PDZD8: variants seen among roughly 807,000 people sequenced by gnomAD.
PDZD8 encodes PDZ domain-containing protein 8.
In PDZD8, 14 loss-of-function variants were observed where a neutral mutation model predicts 85.8. The ratio of observed to expected loss-of-function variants is 0.16; its 90% CI spans 0.11 to 0.26. PDZD8 has a LOEUF of 0.26. Ranked by LOEUF, PDZD8 falls within the 10% of genes least tolerant of loss-of-function variation. PDZD8 has a pLI of 1.00. For synonymous variants in PDZD8, 592 were observed against 568.6 expected (o/e 1.04, Z -0.59); for missense variants, 1,197 against 1,424.3 (o/e 0.84, Z 2.57).
intron 3 of PDZD8, among the ~76,000 whole-genome samples, chr10:117,298,399 A>T (rs1052019316): frequency 1.3e-5 from 2 of 152,184 alleles, no homozygotes; most frequent in Middle Eastern, 3.4e-3. Context: ...TTTTCTCTAG[A>T]TAATATGCAT....
In PDZD8 at chr10:117,284,397, C is replaced by A; in HGVS notation, c.2336G>T (p.Gly779Val). ...TALRNLSMQK[G>V]FNDKFCYGDI... ...ACCATAGCAAAATTTGTCATTGAAT[C>A]CCTTTTGCATACTCAGATTGCGTAG... Residue 779 changes from glycine to valine, a missense_variant, in exon 5 of 5, where the codon GGA becomes GTA. By Grantham distance (109) the Gly-to-Val change is moderately radical. Around this residue, in one of 4 missense-constraint regions of PDZD8, gnomAD observed 418 missense variants for 571.1 expected, o/e 0.73. Transcript: ENST00000334464. 1.2e-6 allele frequency: 2 copies of A among 1,614,138 alleles called. No individual in the cohort carries two copies. The highest frequency in any genetic ancestry group is 1.7e-6 in the Non-Finnish European group (2 of 1,180,024).
rs1387894346 is a variant in PDZD8 at position 117,284,253 on chromosome 10, T to A, written c.2480A>T (p.Glu827Val). 1.2e-6 allele frequency: 2 copies of A among 1,614,198 alleles called. No individual in the cohort carries two copies. Among genetic ancestry groups the A allele is most frequent in the Non-Finnish European group, 1.7e-6 (2 of 1,180,026 alleles). ...LVEEVSVLPK[E>V]EQFVGQMGLT... ...ACCCATCTGTCCAACAAATTGCTCC[T>A]CTTTAGGGAGAACAGAAACTTCTTC... The change falls in exon 5 of 5, where the codon GAG becomes GTG. Residue 827 changes from glutamate (E) to valine (V), a missense_variant. Physicochemically the swap from Glu to Val is moderately radical, Grantham distance 121 (BLOSUM62 -2). This residue lies in a region of PDZD8 where 418 missense variants were observed against 571.1 expected (regional missense o/e 0.73). Transcript: ENST00000334464.
intron 3 of PDZD8, among the ~76,000 whole-genome samples, chr10:117,305,550 G>A (rs1378335780): frequency 6.6e-6 from 1 of 151,286 alleles, no homozygotes; most frequent in Non-Finnish European, 1.5e-5. Context: ...TCTTATAGGG[G>A]TGCATTTGAA....
At chr10:117,309,640 G>T (rs954573211) in intron 3 of PDZD8, among the ~76,000 whole-genome samples, 94 of 152,024 alleles carry the variant, frequency 6.2e-4, no homozygotes, top group African/African-American at 2.0e-3. Flanking sequence ...TTCTAGTTCA[G>T]ACTTTCATTA....
chr10:117,374,341 C>T lies in PDZD8; in HGVS notation c.872+15G>A, dbSNP rs762782052. On this transcript the variant is annotated intron_variant, in intron 1 of 4. Transcript: ENST00000334464. This position sits in a 1 kb window ranked among gnomAD's most constrained non-coding sequence, Gnocchi z 7.8. ...GTTCCCGGCAGCCAGGCCCCCTCCC[C>T]GACCTCCAGCTCACCTGATCTTGTA... 6.2e-7 allele frequency: 1 copy of T among 1,608,656 alleles called. No individual in the cohort carries two copies. Among genetic ancestry groups the T allele is most frequent in the Admixed American group, 1.7e-5 (1 of 59,882 alleles).
At chr10:117,304,166 C>T (rs1015431439) in intron 3 of PDZD8, among the ~76,000 whole-genome samples, 1 of 152,188 alleles carries the variant, frequency 6.6e-6, no homozygotes, top group African/African-American at 2.4e-5. Flanking sequence ...GTGGAGCTGT[C>T]TAAGACCATG....
intron 1 of PDZD8, among the ~76,000 whole-genome samples, chr10:117,352,547 C>T (rs1390260173): frequency 2.6e-5 from 4 of 152,182 alleles, no homozygotes; most frequent in Non-Finnish European, 5.9e-5. Flanking sequence ...CCAACTTCAT[C>T]ACTGATAAAG....
chr10:117,311,743 G>T (rs1844039823), intron 3 of PDZD8, among the ~76,000 whole-genome samples: 1 of 151,918 alleles, frequency 6.6e-6, no homozygotes, highest in Non-Finnish European at 1.5e-5. Context: ...GGTGACAGAA[G>T]AACTGAGTAC....
chr10:117,347,346 G>T (rs1476881488), intron 1 of PDZD8, among the ~76,000 whole-genome samples: 1 of 152,132 alleles, frequency 6.6e-6, no homozygotes, highest in Non-Finnish European at 1.5e-5. Flanking sequence ...CCTTTCTATT[G>T]ATCCCAGGTT....
chr10:117,283,156 G>T lies in PDZD8; in HGVS notation c.*112C>A. ...CTCATTTTTGTTCTTACACAAGCAA[G>T]TAACTGGAGAAGCAGGCCAGAGTGC... On this transcript the variant is annotated 3_prime_UTR_variant, in exon 5 of 5. Coordinates refer to ENST00000334464, the MANE Select transcript of PDZD8 (RefSeq NM_173791.5). 9.3e-7 allele frequency: 1 copy of T among 1,073,338 alleles called. No individual in the cohort carries two copies. The highest frequency in any genetic ancestry group is 2.5e-5 in the East Asian group (1 of 40,318). The allele number at this position is 1,073,338 out of a possible 1,614,324, so 66.5% of individuals were successfully genotyped here. A position where few individuals can be genotyped will look rare whatever the true frequency, so the allele number is the denominator to read the frequency against.
intron 1 of PDZD8, among the ~76,000 whole-genome samples, chr10:117,343,479 T>G (rs1432503440): frequency 1.3e-5 from 2 of 152,208 alleles, no homozygotes; most frequent in African/African-American, 4.8e-5. Context: ...ATGTTGTAGC[T>G]GGGTGCTTTT....
At position 117,321,465 on chromosome 10, in the gene PDZD8, T is replaced by C. The variant is rs7095179; in HGVS notation, c.996-2491A>G. On this transcript the variant is annotated intron_variant, in intron 2 of 4. Transcript: ENST00000334464. ...AAATTTATACAGATAGAAAGTTATT[T>C]AGGGTTGCAGGAGGAGTACTAGAGG... 2.9e-3 allele frequency among the ~76,000 whole-genome samples: 445 copies of C among 152,278 alleles called. 3 individuals are homozygous for C. Among genetic ancestry groups the C allele is most frequent in the African/African-American group, 0.01 (418 of 41,570 alleles).
intron 2 of PDZD8, among the ~76,000 whole-genome samples, chr10:117,327,801 T>C (rs1844343620): frequency 6.6e-6 from 1 of 152,258 alleles, no homozygotes; most frequent in Non-Finnish European, 1.5e-5. Context: ...ACCTTTGAAA[T>C]GGATATGGCT....
intron 2 of PDZD8, among the ~76,000 whole-genome samples, chr10:117,324,088 T>A (rs1294859640): frequency 1.3e-5 from 2 of 151,274 alleles, no homozygotes; most frequent in African/African-American, 4.9e-5. Context: ...ATTAGCCAGA[T>A]GTGGTAGTGC....
chr10:117,340,938 TG>T, intron 2 of PDZD8, 41 bp downstream of exon 2: 1 of 1,607,864 alleles, frequency 6.2e-7, no homozygotes, highest in Non-Finnish European at 8.5e-7. Flanking sequence ...TTCACTGCAC[TG>T]TTCTTCCCGT....
chr10:117,360,402 A>G (rs1844976499), intron 1 of PDZD8, among the ~76,000 whole-genome samples: 1 of 152,064 alleles, frequency 6.6e-6, no homozygotes, highest in Non-Finnish European at 1.5e-5. Flanking sequence ...TCACATAGCT[A>G]AAAAAATGGG....
At chr10:117,367,532 A>G (rs979609399) in intron 1 of PDZD8, among the ~76,000 whole-genome samples, 1 of 152,244 alleles carries the variant, frequency 6.6e-6, no homozygotes, top group Non-Finnish European at 1.5e-5. Flanking sequence ...TTCTCCATCT[A>G]AAGTGTTTTA....
At chr10:117,295,694 C>T (rs1377970043) in intron 3 of PDZD8, among the ~76,000 whole-genome samples, 2 of 152,030 alleles carry the variant, frequency 1.3e-5, no homozygotes, top group Non-Finnish European at 2.9e-5. Context: ...AGATAATAAT[C>T]ATAACCAAGT....
intron 3 of PDZD8, among the ~76,000 whole-genome samples, chr10:117,302,809 G>A (rs533298025): frequency 1.6e-4 from 25 of 152,160 alleles, no homozygotes; most frequent in Non-Finnish European, 3.1e-4. Flanking sequence ...GGGTTTATCA[G>A]GGGTTTCCGC....
Sources: gnomAD v4.1 joint callset for allele counts (sites outside exome capture counted in the v4.1 genomes callset) on GRCh38, gnomAD v4.1.1 for gene constraint, gnomAD v4.1.1 regional missense constraint, Gnocchi (gnomAD v3.1) non-coding constraint, MANE v1.5 for transcripts, NCBI Gene and HGNC (gene_info 2026-07-23, HGNC 2026-07-21) for gene names.